NKAIN3: variants seen among roughly 807,000 people sequenced by gnomAD.
NKAIN3 encodes the protein sodium/potassium-transporting ATPase subunit beta-1-interacting protein 3.
In NKAIN3, 25 loss-of-function variants were observed where a neutral mutation model predicts 30.2. The ratio of observed to expected loss-of-function variants is 0.83; its 90% CI spans 0.60 to 1.16. The LOEUF is 1.16. Among genes scored for constraint, NKAIN3 ranks in the 50% most tolerant of loss-of-function variants. NKAIN3 has a pLI of 0.00. For missense variants in NKAIN3, 225 were observed against 254.1 expected (o/e 0.89, Z 0.78); for synonymous variants, 91 against 89.6 (o/e 1.02, Z -0.09).
intron 1 of NKAIN3, among the ~76,000 whole-genome samples, chr8:62,318,872 CTTTTT>C: frequency 6.6e-6 from 1 of 152,138 alleles, no homozygotes; most frequent in Non-Finnish European, 1.5e-5. Context: ...AGGATTCCCT[CTTTTT>C]CTATTGATTG....
In NKAIN3 at chr8:62,265,693, A is replaced by G. The variant is rs538443518; in HGVS notation, c.54+16566A>G. ...AAGTAGAATCGCTGGAAAGCTCTGC[A>G]TGGTGAAAACTTTTTGGCTGTATTT... On this transcript the variant is annotated intron_variant, in intron 1 of 6. Coordinates refer to ENST00000623646, the MANE Select transcript of NKAIN3 (RefSeq NM_001304533.3). Among the ~76,000 whole-genome samples, 15 of 152,314 alleles carry G rather than the reference A, an allele frequency of 9.8e-5. No individual in the cohort carries two copies. In the South Asian group the frequency reaches 2.3e-3, roughly 23 times the overall value.
At chr8:62,649,256 A>G (rs539954658) in intron 3 of NKAIN3, among the ~76,000 whole-genome samples, 1 of 152,272 alleles carries the variant, frequency 6.6e-6, no homozygotes, top group African/African-American at 2.4e-5. Context: ...TCCTGTGGGA[A>G]ACCATGCCTT....
intron 1 of NKAIN3, among the ~76,000 whole-genome samples, chr8:62,558,553 T>C (rs1332283473): frequency 6.6e-6 from 1 of 152,128 alleles, no homozygotes; most frequent in Non-Finnish European, 1.5e-5. Context: ...AAAATGCACA[T>C]TTTAAAAGTC....
intron 1 of NKAIN3, among the ~76,000 whole-genome samples, chr8:62,312,645 C>A (rs1476115547): frequency 7.0e-6 from 1 of 142,064 alleles, no homozygotes; most frequent in Non-Finnish European, 1.5e-5. Context: ...TAGTGAAACC[C>A]TATTGCTACA....
intron 1 of NKAIN3, among the ~76,000 whole-genome samples, chr8:62,517,935 T>C (rs561418241): frequency 2.0e-5 from 3 of 152,166 alleles, no homozygotes; most frequent in Non-Finnish European, 4.4e-5. Flanking sequence ...TCTATATATA[T>C]ATATCTATAT....
chr8:62,804,570 T>C (rs1461868504), intron 4 of NKAIN3, among the ~76,000 whole-genome samples: 1 of 152,218 alleles, frequency 6.6e-6, no homozygotes, highest in East Asian at 1.9e-4. Context: ...TCTCAATAGA[T>C]GCAGAAAAGG....
chr8:62,731,270 CACA>C (rs1563535994), intron 3 of NKAIN3, among the ~76,000 whole-genome samples: 435 of 151,180 alleles, frequency 2.9e-3, no homozygotes, highest in African/African-American at 9.7e-3. Context: ...CACACACACA[CACA>C]CCCTTCCTTC....
chr8:62,891,543 TATC>T (rs1365832827), intron 4 of NKAIN3, among the ~76,000 whole-genome samples: 1 of 152,172 alleles, frequency 6.6e-6, no homozygotes, highest in Non-Finnish European at 1.5e-5. Context: ...TATATACACC[TATC>T]CTATTAGTTG....
intron 3 of NKAIN3, among the ~76,000 whole-genome samples, chr8:62,627,804 G>T (rs1811836428): frequency 6.6e-6 from 1 of 152,088 alleles, no homozygotes; most frequent in Non-Finnish European, 1.5e-5. Context: ...GTGGTAGGAG[G>T]CAGCAGGGTA....
At chr8:62,800,922 GC>G (rs1249013014) in intron 4 of NKAIN3, among the ~76,000 whole-genome samples, 1 of 149,010 alleles carries the variant, frequency 6.7e-6, no homozygotes, top group Non-Finnish European at 1.5e-5. Context: ...CTAATACTGC[GC>G]TTTTCCAACG....
intron 4 of NKAIN3, among the ~76,000 whole-genome samples, chr8:62,774,913 C>T (rs576503290): frequency 6.6e-6 from 1 of 152,084 alleles, no homozygotes; most frequent in South Asian, 2.1e-4. Flanking sequence ...TAAAACTGGC[C>T]TCATGGAATG....
chr8:62,291,205 A>C (rs892459977), intron 1 of NKAIN3, among the ~76,000 whole-genome samples: 8 of 151,884 alleles, frequency 5.3e-5, no homozygotes, highest in Admixed American at 5.2e-4. Context: ...GGATTCATGG[A>C]TTTTTCGAAG....
rs1193905883 is a variant in NKAIN3 at position 62,871,414 on chromosome 8, A to C, written c.472-47039A>C. On this transcript the variant is annotated intron_variant, in intron 4 of 6. Coordinates refer to ENST00000623646, the MANE Select transcript of NKAIN3 (RefSeq NM_001304533.3). The stretch of plus-strand genomic sequence containing the variant: ...CGAGACTCTGTCTCAAAAAAAAAAA[A>C]AAAACAAAAACAAACAAACAAACAA... Among the ~76,000 whole-genome samples the C allele has an allele frequency of 3.9e-5, 5 of 128,062 alleles. 1 individual carries two copies. The highest frequency in any genetic ancestry group is 9.4e-5 in the African/African-American group (3 of 32,038). 84.0% of individuals were successfully genotyped at this position (128,062 alleles called of 152,430 possible). A position where few individuals can be genotyped will look rare whatever the true frequency, so the allele number is the denominator to read the frequency against.
intron 4 of NKAIN3, among the ~76,000 whole-genome samples, chr8:62,771,436 A>T (rs1362319628): frequency 6.6e-6 from 1 of 152,164 alleles, no homozygotes; most frequent in Non-Finnish European, 1.5e-5. Context: ...TTGAAATGGC[A>T]GAAGCATTAA....
chr8:62,381,540 A>G (rs1419581487), intron 1 of NKAIN3, among the ~76,000 whole-genome samples: 1 of 152,058 alleles, frequency 6.6e-6, no homozygotes, highest in East Asian at 1.9e-4. Flanking sequence ...ATATATTAGA[A>G]CAAGGCAATT....
At chr8:62,415,742 T>C (rs2129596308) in intron 1 of NKAIN3, among the ~76,000 whole-genome samples, 1 of 146,910 alleles carries the variant, frequency 6.8e-6, no homozygotes, top group South Asian at 2.1e-4. Flanking sequence ...ATAATAATTT[T>C]ATTAAGAATT....
intron 5 of NKAIN3, among the ~76,000 whole-genome samples, chr8:62,991,751 T>A (rs760987183): frequency 1.1e-4 from 16 of 152,314 alleles, no homozygotes; most frequent in Non-Finnish European, 2.1e-4. Flanking sequence ...CTTTGTCATT[T>A]TGGTGATGAA....
At chr8:62,466,379 G>T (rs937997298) in intron 1 of NKAIN3, among the ~76,000 whole-genome samples, 1 of 152,034 alleles carries the variant, frequency 6.6e-6, no homozygotes, top group Non-Finnish European at 1.5e-5. Flanking sequence ...TTAAAGATCA[G>T]TGTTTTCGTC....
intron 1 of NKAIN3, among the ~76,000 whole-genome samples, chr8:62,469,561 A>T (rs1009105587): frequency 6.6e-6 from 1 of 151,948 alleles, no homozygotes; most frequent in Non-Finnish European, 1.5e-5. Context: ...GCCCAATAAG[A>T]CCTCTAGATT....
Sources: allele counts gnomAD v4.1 joint callset (sites outside exome capture counted in the v4.1 genomes callset), GRCh38; gene constraint gnomAD v4.1.1; transcripts MANE v1.5; gene names NCBI Gene and HGNC (gene_info 2026-07-23, HGNC 2026-07-21).